Variants in DPYD observed in about 807,000 individuals in gnomAD.
DPYD encodes dihydropyrimidine dehydrogenase [NADP(+)].
In DPYD, 109 loss-of-function variants were observed where a neutral mutation model predicts 116.2. The ratio of observed to expected loss-of-function variants is 0.94; its 90% CI spans 0.80 to 1.10. The LOEUF (loss-of-function observed/expected upper bound fraction) is 1.10, where lower values mean the gene tolerates loss of function less well. Ranked by LOEUF, DPYD falls within the 50% of genes least tolerant of loss-of-function variation. The pLI, the probability that DPYD is intolerant of heterozygous loss-of-function variation, is 0.00. For missense variants in DPYD, 1,302 were observed against 1,254.5 expected (o/e 1.04, Z -0.57); for synonymous variants, 440 against 432.0 (o/e 1.02, Z -0.23).
chr1:97,268,424 T>C (rs113513968), intron 18 of DPYD, among the ~76,000 whole-genome samples: 3 of 152,176 alleles, frequency 2.0e-5, no homozygotes, highest in South Asian at 2.1e-4. Context: ...GCCCTAGTAA[T>C]AGCTCTTTGC....
At chr1:97,604,169 A>G (rs984559988) in intron 8 of DPYD, among the ~76,000 whole-genome samples, 1 of 152,102 alleles carries the variant, frequency 6.6e-6, no homozygotes, top group Non-Finnish European at 1.5e-5. Flanking sequence ...AACGATGGAG[A>G]GCTGCTCAGT....
chr1:97,081,043 TA>T (rs1649114491), intron 22 of DPYD, among the ~76,000 whole-genome samples: 1 of 152,052 alleles, frequency 6.6e-6, no homozygotes, highest in South Asian at 2.1e-4. Flanking sequence ...TAGCACTTTA[TA>T]AAAATAACGG....
chr1:97,914,783 AG>A (rs913013720), intron 1 of DPYD, among the ~76,000 whole-genome samples: 5 of 152,174 alleles, frequency 3.3e-5, no homozygotes, highest in African/African-American at 1.2e-4. Flanking sequence ...TCTGAATTTC[AG>A]AAACTCCCCA....
chr1:97,636,907 T>C (rs1657598196), intron 8 of DPYD, among the ~76,000 whole-genome samples: 1 of 152,142 alleles, frequency 6.6e-6, no homozygotes, highest in South Asian at 2.1e-4. Flanking sequence ...TGAGCATGGA[T>C]GGCAGGCATA....
chr1:97,623,105 G>T (rs1301183138), intron 8 of DPYD, among the ~76,000 whole-genome samples: 1 of 152,096 alleles, frequency 6.6e-6, no homozygotes, highest in Non-Finnish European at 1.5e-5. Flanking sequence ...AATGTTGAAA[G>T]TGAATGGAGT....
chr1:97,527,574 T>G (rs1382553268), intron 12 of DPYD, among the ~76,000 whole-genome samples: 1 of 152,080 alleles, frequency 6.6e-6, no homozygotes, highest in African/African-American at 2.4e-5. Context: ...CATTAAAGAA[T>G]AGAAATAAAA....
At chr1:97,169,523 T>TTTTTATTTTATTTTATTTTATTTTA (rs11275458) in intron 20 of DPYD, among the ~76,000 whole-genome samples, 7,523 of 143,012 alleles carry the variant, frequency 0.053, 268 homozygotes, top group East Asian at 0.14. Context: ...ATTGGGTTAA[T>TTTTTATTTTATTTTATTTTATTTTA]TTTTATTTTA....
intron 19 of DPYD, among the ~76,000 whole-genome samples, chr1:97,206,097 A>G (rs905592360): frequency 6.6e-6 from 1 of 151,864 alleles, no homozygotes; most frequent in African/African-American, 2.4e-5. Context: ...TGCATAGGGC[A>G]AGGTATGAGG....
At chr1:97,760,732 C>T (rs898711700) in intron 3 of DPYD, among the ~76,000 whole-genome samples, 3 of 152,034 alleles carry the variant, frequency 2.0e-5, no homozygotes, top group Non-Finnish European at 4.4e-5. Context: ...AACAAAGACA[C>T]AGGGTAGCAA....
At chr1:97,889,043 G>C (rs142931679) in intron 1 of DPYD, among the ~76,000 whole-genome samples, 5 of 152,140 alleles carry the variant, frequency 3.3e-5, no homozygotes, top group Non-Finnish European at 7.4e-5. Flanking sequence ...TGTAATCCCA[G>C]CTACTCAGAA....
At chr1:97,675,216 A>G (rs942644602) in intron 8 of DPYD, among the ~76,000 whole-genome samples, 3 of 152,190 alleles carry the variant, frequency 2.0e-5, no homozygotes, top group African/African-American at 4.8e-5. Flanking sequence ...CCAAACAAAG[A>G]GAGCCATCCA....
chr1:97,917,741 T>C lies in DPYD; in HGVS notation c.39+3143A>G, dbSNP rs776205368. Among the ~76,000 whole-genome samples the C allele has an allele frequency of 3.3e-5, 5 of 152,272 alleles. No homozygotes were observed. In the East Asian group the frequency reaches 7.7e-4, roughly 23 times the overall value. ...AACTTGGTTTGGCTACAAATATATATCAAAAGTACTAGTATTCAAATAGTT... is the reference window on the plus strand; with the variant it reads ...AACTTGGTTTGGCTACAAATATATACCAAAAGTACTAGTATTCAAATAGTT... On this transcript the variant is annotated intron_variant, in intron 1 of 22. Transcript: ENST00000370192.
intron 4 of DPYD, among the ~76,000 whole-genome samples, chr1:97,725,465 G>A (rs1017016445): frequency 2.6e-5 from 4 of 151,426 alleles, no homozygotes; most frequent in Admixed American, 6.6e-5. Flanking sequence ...AAAATTCATA[G>A]GAAAATCCAG....
intron 13 of DPYD, among the ~76,000 whole-genome samples, chr1:97,502,711 G>A (rs1333023332): frequency 6.6e-6 from 1 of 151,924 alleles, no homozygotes; most frequent in Non-Finnish European, 1.5e-5. Context: ...GTGGAGATGG[G>A]AAGTGACTTT....
intron 16 of DPYD, among the ~76,000 whole-genome samples, chr1:97,325,926 G>A (rs1165205143): frequency 6.6e-6 from 1 of 151,820 alleles, no homozygotes; most frequent in African/African-American, 2.4e-5. Flanking sequence ...ATTTTTGAAA[G>A]ATTTTGTGCC....
intron 11 of DPYD, among the ~76,000 whole-genome samples, chr1:97,558,581 T>A (rs1363019231): frequency 2.6e-5 from 4 of 152,184 alleles, no homozygotes; most frequent in Non-Finnish European, 4.4e-5. Context: ...AATTTTCAGT[T>A]TGAATATGCT....
intron 3 of DPYD, among the ~76,000 whole-genome samples, chr1:97,813,647 A>T (rs1178094903): frequency 6.6e-6 from 1 of 152,272 alleles, no homozygotes; most frequent in Admixed American, 6.5e-5. Context: ...AAATAAAATT[A>T]CTACTATTAC....
intron 13 of DPYD, among the ~76,000 whole-genome samples, chr1:97,451,704 C>G (rs1295599073): frequency 2.0e-5 from 3 of 152,134 alleles, no homozygotes; most frequent in Non-Finnish European, 4.4e-5. Context: ...TGTTCTACGT[C>G]CCTACAGGTG....
chr1:97,552,891 G>A (rs541573720), intron 11 of DPYD, among the ~76,000 whole-genome samples: 153 of 152,022 alleles, frequency 1.0e-3, no homozygotes, highest in African/African-American at 3.1e-3. Flanking sequence ...AGAAAAAGCT[G>A]AGAGATCACA....
Sources: gnomAD v4.1 joint callset for allele counts (sites outside exome capture counted in the v4.1 genomes callset) on GRCh38, gnomAD v4.1.1 for gene constraint, MANE v1.5 for transcripts, NCBI Gene and HGNC (gene_info 2026-07-23, HGNC 2026-07-21) for gene names.